KCTD1: variants seen among roughly 807,000 people sequenced by gnomAD.
KCTD1 encodes potassium channel tetramerization domain containing 1.
In KCTD1, 24 loss-of-function variants were observed where a neutral mutation model predicts 66.0. The ratio of observed to expected loss-of-function variants is 0.36; its 90% CI spans 0.26 to 0.51. The LOEUF (loss-of-function observed/expected upper bound fraction) is 0.51, where lower values mean the gene tolerates loss of function less well. KCTD1 is among the 20% of genes least tolerant of loss of function. The pLI is 0.95. For synonymous variants in KCTD1, 511 were observed against 517.2 expected (o/e 0.99, Z 0.16); for missense variants, 943 against 1,205.2 (o/e 0.78, Z 3.22).
At chr18:26,648,410 C>T (rs1987969005) in intron 1 of KCTD1, among the ~76,000 whole-genome samples, 1 of 152,222 alleles carries the variant, frequency 6.6e-6, no homozygotes, top group Non-Finnish European at 1.5e-5. Flanking sequence ...TTTCTCTTAT[C>T]GCTAAGTCAG....
intron 1 of KCTD1, among the ~76,000 whole-genome samples, chr18:26,603,043 A>G (rs1403791239): frequency 6.6e-6 from 1 of 152,154 alleles, no homozygotes; most frequent in African/African-American, 2.4e-5. Context: ...TATTCAATAA[A>G]TGGTGTGGGA....
chr18:26,630,143 A>G (rs1598975164), upstream of KCTD1, among the ~76,000 whole-genome samples: 1 of 152,214 alleles, frequency 6.6e-6, no homozygotes, highest in Admixed American at 6.5e-5. Context: ...TGCAAAAGCA[A>G]TGATGGGTAA....
At chr18:26,630,628 C>T (rs1987598361), upstream of KCTD1, among the ~76,000 whole-genome samples, 1 of 152,148 alleles carries the variant, frequency 6.6e-6, no homozygotes, top group East Asian at 1.9e-4. Context: ...AGCCACTGTG[C>T]CCAGCCCACG....
intron 1 of KCTD1, among the ~76,000 whole-genome samples, chr18:26,563,553 T>C (rs1283694459): frequency 1.3e-5 from 2 of 152,212 alleles, no homozygotes; most frequent in African/African-American, 4.8e-5. Flanking sequence ...TGTTACCTCC[T>C]CTTGGAAACA....
chr18:26,608,674 A>G (rs1322511629), intron 1 of KCTD1, among the ~76,000 whole-genome samples: 1 of 151,978 alleles, frequency 6.6e-6, no homozygotes, highest in Non-Finnish European at 1.5e-5. Context: ...CAAATTTCTG[A>G]ATGTATAATT....
At chr18:26,511,874 C>T (rs1245791497) in intron 1 of KCTD1, among the ~76,000 whole-genome samples, 3 of 152,030 alleles carry the variant, frequency 2.0e-5, no homozygotes, top group African/African-American at 7.3e-5. Context: ...ACAGAGAAGG[C>T]GGGGACCAGC....
chr18:26,599,532 C>G, intron 1 of KCTD1: 6 of 1,545,680 alleles, frequency 3.9e-6, no homozygotes, highest in Non-Finnish European at 5.4e-6. Flanking sequence ...GGCCGTGGGT[C>G]TGTGGAAAAC....
At chr18:26,632,212 C>G (rs1427211312), upstream of KCTD1, among the ~76,000 whole-genome samples, 1 of 152,004 alleles carries the variant, frequency 6.6e-6, no homozygotes, top group African/African-American at 2.4e-5. Context: ...TGGTGAAACC[C>G]CCTCTCTACT....
intron 2 of KCTD1, among the ~76,000 whole-genome samples, chr18:26,481,857 AT>A (rs1041851619): frequency 2.6e-5 from 4 of 152,164 alleles, no homozygotes; most frequent in East Asian, 1.9e-4. Context: ...AGGCATCTGT[AT>A]TTTTTTTAAA....
chr18:26,552,518 A>G (rs1372020854), upstream of KCTD1, among the ~76,000 whole-genome samples: 1 of 152,256 alleles, frequency 6.6e-6, no homozygotes, highest in Admixed American at 6.5e-5. Context: ...CATGAATCTG[A>G]AGCTCTGTAT....
intron 4 of KCTD1, chr18:26,456,294 C>T (rs540871676): frequency 6.8e-5 from 11 of 161,118 alleles, no homozygotes; most frequent in Non-Finnish European, 1.2e-4. Context: ...GTTCACATTT[C>T]AAAGCTCATT....
At position 26,547,027 on chromosome 18, in the gene KCTD1, G is replaced by T; in HGVS notation, c.1510C>A (p.Arg504Ser). 6.7e-7 allele frequency: 1 copy of T among 1,484,910 alleles called. No homozygotes were observed. Among genetic ancestry groups the T allele is most frequent in the Non-Finnish European group, 9.0e-7 (1 of 1,114,840 alleles). 92.0% of individuals were successfully genotyped at this position (1,484,910 alleles called of 1,614,324 possible). ...TTCCCCAGCGAGGGCGGCTGGGGGC[G>T]GTGGTGGTGGGAGGGATGGGTGGGG... Reference protein sequence around the residue: ...HPPTHPSHHHRPQPPSLGNTY... With the variant: ...HPPTHPSHHHSPQPPSLGNTY... Residue 504 changes from arginine to serine, a missense_variant, in exon 1 of 5, where the codon CGC (arginine) becomes AGC (serine). Arg to Ser is a moderately radical substitution (Grantham distance 110). Around this residue, in one of 10 missense-constraint regions of KCTD1, gnomAD observed 197 missense variants for 182.7 expected, o/e 1.08. Transcript: ENST00000580059.
In KCTD1 at chr18:26,459,634, G is replaced by C; in HGVS notation, c.2425C>G (p.Leu809Val). Residue 809 changes from leucine to valine, a missense_variant, in exon 4 of 5, where the codon CTC becomes GTC. By Grantham distance (32) the Leu-to-Val change is conservative (BLOSUM62 1). Transcript: ENST00000580059. Reference protein sequence around the residue: ...IRFPLNGYCHLNSVQVLERLQ... With the variant: ...IRFPLNGYCHVNSVQVLERLQ... ...CAATGCTATACCTGGACTGAGTTGA[G>C]GTGACAGTAGCCATTTAGTGGAAAC... The C allele has an allele frequency of 6.3e-7, 1 of 1,597,192 alleles. No homozygotes were observed. Among genetic ancestry groups the C allele is most frequent in the Non-Finnish European group, 8.6e-7 (1 of 1,169,320 alleles).
At chr18:26,557,627 C>A (rs942385814) in intron 1 of KCTD1, among the ~76,000 whole-genome samples, 4 of 152,152 alleles carry the variant, frequency 2.6e-5, no homozygotes, top group South Asian at 2.1e-4. Context: ...TCAAACAATT[C>A]TAATACTAAT....
At chr18:26,473,500 C>T (rs187850110) in intron 3 of KCTD1, among the ~76,000 whole-genome samples, 1 of 151,994 alleles carries the variant, frequency 6.6e-6, no homozygotes, top group Non-Finnish European at 1.5e-5. Flanking sequence ...CAGCAAACCA[C>T]CATAGCACGT....
At chr18:26,553,677 T>C (rs1476548292) in intron 1 of KCTD1, among the ~76,000 whole-genome samples, 1 of 152,214 alleles carries the variant, frequency 6.6e-6, no homozygotes, top group East Asian at 1.9e-4. Flanking sequence ...CCCCTTGGGA[T>C]TGTTTTGAGA....
At chr18:26,485,866 A>T (rs1981890311) in intron 2 of KCTD1, among the ~76,000 whole-genome samples, 1 of 152,222 alleles carries the variant, frequency 6.6e-6, no homozygotes, top group Non-Finnish European at 1.5e-5. Context: ...AAAAAATGTT[A>T]AAATAGCTAA....
At chr18:26,631,153 C>T (rs568898351), upstream of KCTD1, among the ~76,000 whole-genome samples, 1 of 152,250 alleles carries the variant, frequency 6.6e-6, no homozygotes, top group East Asian at 1.9e-4. Context: ...GAATCAAGCA[C>T]CTTATCAATA....
intron 3 of KCTD1, among the ~76,000 whole-genome samples, chr18:26,467,472 T>G (rs570694124): frequency 6.6e-6 from 1 of 152,156 alleles, no homozygotes; most frequent in Non-Finnish European, 1.5e-5. Context: ...GAGCTATGAT[T>G]GCACCACTGC....
Sources: allele counts gnomAD v4.1 joint callset (sites outside exome capture counted in the v4.1 genomes callset), GRCh38; gene constraint gnomAD v4.1.1; regional missense constraint gnomAD v4.1.1; transcripts MANE v1.5; gene names NCBI Gene and HGNC (gene_info 2026-07-23, HGNC 2026-07-21).